TPI1: variants seen among roughly 807,000 people sequenced by gnomAD.
The protein encoded by TPI1 is triosephosphate isomerase 1, also known as triosephosphate isomerase.
Under a neutral mutation model 31.0 loss-of-function variants are expected in TPI1, and 11 were observed. That is an observed-to-expected ratio of 0.36 (90% CI 0.22 to 0.59). TPI1 has a LOEUF of 0.59. Ranked by LOEUF, TPI1 falls within the 20% of genes least tolerant of loss-of-function variation. The probability of loss-of-function intolerance (pLI) is 0.79; values close to 1 mark genes in which losing one functional copy is unlikely to be tolerated. For missense variants in TPI1, 245 were observed against 319.7 expected, an observed-to-expected ratio of 0.77 and a Z score of 1.78; for synonymous variants, 121 against 122.8, an observed-to-expected ratio of 0.99 and a Z score of 0.10.
chr12:6,867,451 G>T, upstream of TPI1: 1 of 1,506,108 alleles, frequency 6.6e-7, no homozygotes, highest in Non-Finnish European at 8.9e-7. Flanking sequence ...GGGACTGGGC[G>T]GGCCATGGCG....
Position 6,868,415 on chromosome 12 carries a change from C to A in TPI1, c.116-449C>A, listed in dbSNP as rs531909445. 4.3e-4 allele frequency: 560 copies of A among 1,289,040 alleles called. 2 individuals carry two copies. In the African/African-American group the frequency reaches 6.5e-3, roughly 15 times the overall value. 79.9% of individuals were successfully genotyped at this position (1,289,040 alleles called of 1,614,324 possible). A position where few individuals can be genotyped will look rare whatever the true frequency, so the allele number is the denominator to read the frequency against. On this transcript the variant is annotated intron_variant, in intron 1 of 6. Transcript: ENST00000396705. ...GAGCCGCGGGCCTGATCCAAAGAGG[C>A]ATCCCCTTCTCGTTCATTCCCCAGA... is the stretch of plus-strand genomic sequence containing the variant.
intron 1 of TPI1, chr12:6,868,066 C>G: frequency 4.1e-6 from 5 of 1,227,266 alleles, no homozygotes; most frequent in Non-Finnish European, 5.2e-6. Flanking sequence ...TGCGCCCTGG[C>G]CTCCCGCGCC....
chr12:6,869,885 A>AAT, intron 5 of TPI1, 112 bp downstream of exon 5: 1 of 1,433,460 alleles, frequency 7.0e-7, no homozygotes, highest in Non-Finnish European at 9.8e-7. Flanking sequence ...CCTTGAACCC[A>AAT]GAGACAGTGA....
At chr12:6,868,010 C>G in intron 1 of TPI1, 1 of 1,176,722 alleles carries the variant, frequency 8.5e-7, no homozygotes, top group Non-Finnish European at 1.1e-6. Flanking sequence ...GCCCGAGGCT[C>G]TGCGGGAGAC....
At chr12:6,868,414 G>A (rs1555131909) in intron 1 of TPI1, 1 of 1,288,174 alleles carries the variant, frequency 7.8e-7, no homozygotes, top group East Asian at 5.5e-5. Context: ...ATCCAAAGAG[G>A]CATCCCCTTC....
At chr12:6,868,490 C>A (rs902741647) in intron 1 of TPI1, 2 of 1,283,618 alleles carry the variant, frequency 1.6e-6, no homozygotes, top group Non-Finnish European at 2.0e-6. Flanking sequence ...TGCTACAAAT[C>A]CTTGCCTTGC....
At chr12:6,867,522 C>T (rs367933825), upstream of TPI1, 10 of 1,596,992 alleles carry the variant, frequency 6.3e-6, no homozygotes, top group African/African-American at 1.1e-4. Flanking sequence ...GCAGTGGCCG[C>T]GACTGCGCGC....
intron 5 of TPI1, 113 bp from the exon 6 acceptor site, chr12:6,869,936 G>C (rs1382337762): frequency 1.4e-6 from 2 of 1,417,832 alleles, no homozygotes; most frequent in Non-Finnish European, 1.0e-6. Flanking sequence ...GCTTGGATCA[G>C]AGCCCTGGTA....
Position 6,867,654 on chromosome 12 carries a change from A to C in TPI1, c.88A>C (p.Asn30His), listed in dbSNP as rs1555131560. The change falls in exon 1 of 7, where the codon AAC becomes CAC. Residue 30 changes from asparagine to histidine, a missense_variant. Asn to His is a moderately conservative substitution (Grantham distance 68). This residue lies in a region of TPI1 where 95 missense variants were observed against 96.4 expected (regional missense o/e 0.99). Transcript: ENST00000396705. ...TCTGGGGGAGCTCATCGGCACTCTG[A>C]ACGCGGCCAAGGTGCCGGCCGACAC... ...QSLGELIGTL[N>H]AAKVPADTEV... is the part of the protein sequence containing the mutation. 2 of 1,610,702 alleles carry C rather than the reference A, an allele frequency of 1.2e-6. No homozygotes were observed. Among genetic ancestry groups the C allele is most frequent in the Non-Finnish European group, 1.7e-6 (2 of 1,178,954 alleles).
In TPI1 at chr12:6,867,625, A is replaced by C; in HGVS notation, c.59A>C (p.Gln20Pro). ...AACTGGAAGATGAACGGGCGGAAGC[A>C]GAGTCTGGGGGAGCTCATCGGCACT... ...GGNWKMNGRKQSLGELIGTLN... is the reference protein window; with the variant it reads ...GGNWKMNGRKPSLGELIGTLN... Residue 20 changes from glutamine to proline, a missense_variant, in exon 1 of 7, where the codon CAG becomes CCG. By Grantham distance (76) the Gln-to-Pro change is moderately conservative (BLOSUM62 -1). Around this residue, in one of 3 missense-constraint regions of TPI1, gnomAD observed 95 missense variants for 96.4 expected, o/e 0.99. Coordinates refer to ENST00000396705, the MANE Select transcript of TPI1 (RefSeq NM_000365.6). The C allele has an allele frequency of 6.2e-7, 1 of 1,612,870 alleles. No individual in the cohort carries two copies. Among genetic ancestry groups the C allele is most frequent in the African/African-American group, 1.3e-5 (1 of 74,952 alleles).
chr12:6,869,661 C>T (rs781965806), intron 4 of TPI1, 27 bp from the exon 5 acceptor site: 3 of 1,613,002 alleles, frequency 1.9e-6, no homozygotes, highest in East Asian at 2.2e-5. Flanking sequence ...GTTCACCCTT[C>T]CCTCCATCTG....
chr12:6,868,504 G>A (rs1555131944), intron 1 of TPI1: 2 of 1,281,496 alleles, frequency 1.6e-6, no homozygotes, highest in East Asian at 5.3e-5. Flanking sequence ...GCCTTGCAAA[G>A]GGGAGGTGAG....
chr12:6,867,698 G>C lies in TPI1; in HGVS notation c.115+17G>C. 6.3e-7 allele frequency: 1 copy of C among 1,595,652 alleles called. No homozygotes were observed. The highest frequency in any genetic ancestry group is 8.6e-7 in the Non-Finnish European group (1 of 1,169,200). On this transcript the variant is annotated intron_variant, in intron 1 of 6. Transcript: ENST00000396705. ...CCGACACCGGTAAGCCCTCGCCGAG[G>C]AGGGGTCTGGCCGGGCCGGGGCCGG...
chr12:6,870,690 G>C lies in TPI1; in HGVS notation c.*307G>C, dbSNP rs1555132900. 1 of 593,496 alleles carries C rather than the reference G, an allele frequency of 1.7e-6. No homozygotes were observed. Among genetic ancestry groups the C allele is most frequent in the Non-Finnish European group, 3.2e-6 (1 of 309,744 alleles). The allele number at this position is 593,496 out of a possible 1,614,324, so 36.8% of individuals were successfully genotyped here. ...TCCCTAGGCCCTAGTGAGGGCAGAA[G>C]AGAAACCATCCTCTCCCTTCTTACA... is the stretch of plus-strand genomic sequence containing the variant. On this transcript the variant is annotated 3_prime_UTR_variant, in exon 7 of 7. Coordinates refer to ENST00000396705, the MANE Select transcript of TPI1 (RefSeq NM_000365.6).
intron 2 of TPI1, 47 bp downstream of exon 2, chr12:6,869,034 C>G: frequency 6.2e-7 from 1 of 1,614,060 alleles, no homozygotes; most frequent in Non-Finnish European, 8.5e-7. Flanking sequence ...CCCTCACTTT[C>G]CTCGTTGAGG....
intron 6 of TPI1, 47 bp from the exon 7 acceptor site, chr12:6,870,218 A>G: frequency 6.3e-7 from 1 of 1,591,868 alleles, no homozygotes; most frequent in Non-Finnish European, 8.6e-7. Flanking sequence ...GGGATGGGGC[A>G]GACTCATCCC....
rs141765645 is a variant in TPI1, at chr12:6,869,308, C to T, written c.375C>T (p.Ile125=). The T allele has an allele frequency of 1.5e-5, 25 of 1,613,912 alleles. No homozygotes were observed. The African/African-American group carries it at 2.1e-4, about 14-fold the overall frequency. Residue 125 remains isoleucine (I), a synonymous_variant, in exon 4 of 7, where the codon ATC becomes ATT. Transcript: ENST00000396705. ...CTCTGGCAGAGGGACTCGGAGTAAT[C>T]GCCTGCATTGGGGAGAAGCTAGATG... is the stretch of plus-strand genomic sequence containing the variant. The part of the protein sequence containing the change: ...AHALAEGLGV[I]ACIGEKLDER...
chr12:6,868,614 C>T, intron 1 of TPI1: 1 of 1,359,480 alleles, frequency 7.4e-7, no homozygotes, highest in African/African-American at 1.5e-5. Context: ...GGAGCCCCAG[C>T]TGTTAAAAGA....
Position 6,868,190 on chromosome 12 carries a change from C to A in TPI1, c.115+509C>A, listed in dbSNP as rs782091883. 5 of 1,288,046 alleles carry A rather than the reference C, an allele frequency of 3.9e-6. No homozygotes were observed. In the South Asian group the frequency reaches 4.9e-5, roughly 13 times the overall value. 79.8% of individuals were successfully genotyped at this position (1,288,046 alleles called of 1,614,324 possible). On this transcript the variant is annotated intron_variant, in intron 1 of 6. Coordinates refer to ENST00000396705, the MANE Select transcript of TPI1 (RefSeq NM_000365.6). ...AGATCTGACCCCTTCCCTTCGGCAA[C>A]CTGAACGACTCCCGCCTTCCACGGA...
Sources: gnomAD v4.1 joint callset for allele counts on GRCh38, gnomAD v4.1.1 for gene constraint, gnomAD v4.1.1 regional missense constraint, MANE v1.5 for transcripts, NCBI Gene and HGNC (gene_info 2026-07-23, HGNC 2026-07-21) for gene names.